Variants in FAP observed in about 807,000 individuals in gnomAD.
The protein encoded by FAP is prolyl endopeptidase FAP.
A neutral mutation model predicts 126.5 loss-of-function variants in FAP; 110 were observed. That is an observed-to-expected ratio of 0.87 (90% confidence interval 0.74 to 1.02). The LOEUF is 1.02. Among genes scored for constraint, FAP ranks in the 50% least tolerant of loss-of-function variants. FAP has a pLI of 0.00. For missense variants in FAP, 919 were observed against 909.2 expected (o/e 1.01, Z -0.14); for synonymous variants, 334 against 297.3 (o/e 1.12, Z -1.27).
In FAP at chr2:162,228,084, C is replaced by T. The variant is rs186747596; in HGVS notation, c.92-1463G>A. Among the ~76,000 whole-genome samples, 113 of 152,250 alleles carry T rather than the reference C, an allele frequency of 7.4e-4. 1 individual carries two copies. The highest frequency in any genetic ancestry group is 3.7e-3 in the South Asian group (18 of 4,824). On this transcript the variant is annotated intron_variant, in intron 2 of 25. Transcript: ENST00000188790. ...AGGCCAGGAATCATGTCTTGTTTTT[C>T]TCATAGCACATCCCAAGTGTCTAGC...
At chr2:162,222,709 T>G (rs1254373023) in intron 6 of FAP, among the ~76,000 whole-genome samples, 1 of 152,198 alleles carries the variant, frequency 6.6e-6, no homozygotes. Context: ...ATTTTCCATT[T>G]AAAACCTTTG....
intron 3 of FAP, 91 bp downstream of exon 3, chr2:162,226,432 G>T: frequency 1.7e-6 from 1 of 585,110 alleles, no homozygotes; most frequent in Non-Finnish European, 2.9e-6. Context: ...CAACTGATAC[G>T]GCTTCAGTTA....
intron 9 of FAP, 92 bp from the exon 10 acceptor site, chr2:162,216,093 A>G: frequency 1.1e-6 from 1 of 894,412 alleles, no homozygotes. Context: ...TATTTTTCTA[A>G]GCGAACAATC....
At chr2:162,198,648 CA>C in intron 16 of FAP, 108 bp downstream of exon 16, 1 of 1,283,352 alleles carries the variant, frequency 7.8e-7, no homozygotes, top group Non-Finnish European at 1.1e-6. Context: ...AAGATTCTTA[CA>C]TATAACAAAT....
chr2:162,199,943 A>G (rs755004418), intron 15 of FAP, among the ~76,000 whole-genome samples: 8 of 152,236 alleles, frequency 5.3e-5, no homozygotes, highest in Admixed American at 2.0e-4. Context: ...ATGCCCAGGT[A>G]CAAATCCTGG....
At chr2:162,225,685 T>C in intron 3 of FAP, 108 bp from the exon 4 acceptor site, 1 of 1,110,480 alleles carries the variant, frequency 9.0e-7, no homozygotes, top group South Asian at 1.7e-5. Context: ...TTTTCCTCTC[T>C]GTCCAGTACA....
chr2:162,232,101 A>G (rs763602048), intron 2 of FAP, among the ~76,000 whole-genome samples: 2 of 152,146 alleles, frequency 1.3e-5, no homozygotes, highest in Non-Finnish European at 2.9e-5. Flanking sequence ...AGGATGGGAA[A>G]TATACTATTT....
chr2:162,235,010 G>A (rs1690054920), intron 2 of FAP, among the ~76,000 whole-genome samples: 1 of 152,106 alleles, frequency 6.6e-6, no homozygotes, highest in African/African-American at 2.4e-5. Context: ...GGGCGAACCG[G>A]GTCCCCTAGC....
intron 12 of FAP, among the ~76,000 whole-genome samples, chr2:162,207,463 C>T (rs1420504989): frequency 6.6e-6 from 1 of 152,142 alleles, no homozygotes; most frequent in African/African-American, 2.4e-5. Flanking sequence ...TGATCTGGCA[C>T]AAAATCACAT....
In FAP at chr2:162,174,861, C is replaced by T. The variant is rs1361730833; in HGVS notation, c.1969+6G>A. On this transcript the variant is annotated splice_donor_region_variant and intron_variant, in intron 22 of 25. Transcript: ENST00000188790. ...TTCACAGTAACATTAATGAATGTTT[C>T]CATACCGTAATATTCCCAGCTGGAG... is the stretch of plus-strand genomic sequence containing the variant. The T allele has an allele frequency of 2.1e-5, 34 of 1,589,830 alleles. No individual in the cohort carries two copies. The highest frequency in any genetic ancestry group is 2.8e-5 in the Non-Finnish European group (33 of 1,158,732).
chr2:162,196,518 C>CTT (rs3051148), intron 16 of FAP, among the ~76,000 whole-genome samples: 10 of 127,724 alleles, frequency 7.8e-5, no homozygotes, highest in African/African-American at 2.3e-4. Context: ...ACTTGCATAT[C>CTT]TTTTTTTTTT....
chr2:162,195,326 T>TG (rs1688212722), intron 16 of FAP, among the ~76,000 whole-genome samples: 1 of 151,666 alleles, frequency 6.6e-6, no homozygotes, highest in Admixed American at 6.6e-5. Flanking sequence ...TGCACACTTG[T>TG]GGGGGAAAGG....
At position 162,207,536 on chromosome 2, in the gene FAP, A is replaced by G. The variant is rs1458690925; in HGVS notation, c.1047+2416T>C. ...TTGGGAATGACTTTTGATTTAATAT[A>G]AGGACCTCATCTTCTCCCAAAGGAG... On this transcript the variant is annotated intron_variant, in intron 12 of 25. Transcript: ENST00000188790. Among the ~76,000 whole-genome samples the G allele has an allele frequency of 2.6e-5, 4 of 152,300 alleles. No homozygotes were observed. In the East Asian group the frequency reaches 7.7e-4, roughly 29 times the overall value.
At chr2:162,222,114 A>C (rs1486603866) in intron 6 of FAP, among the ~76,000 whole-genome samples, 2 of 152,204 alleles carry the variant, frequency 1.3e-5, no homozygotes. Flanking sequence ...AAATATTAGG[A>C]TTATCATCTT....
intron 2 of FAP, among the ~76,000 whole-genome samples, chr2:162,228,569 C>A (rs972454887): frequency 1.3e-5 from 2 of 151,960 alleles, no homozygotes; most frequent in Non-Finnish European, 2.9e-5. Context: ...GGCTGGTGAG[C>A]CCTTTTGCAA....
intron 4 of FAP, among the ~76,000 whole-genome samples, chr2:162,225,127 A>G (rs1181670537): frequency 2.0e-5 from 3 of 152,160 alleles, no homozygotes; most frequent in Non-Finnish European, 4.4e-5. Context: ...TTTACCAAGG[A>G]AAATACCGAG....
rs10657426 is a variant in FAP, at chr2:162,179,790, CTATA to C, written c.1869+3620_1869+3623del. ...TCTATCTATCTATCTATCTATCTATCTATATATATATATATATATATATTTTTTT... is the reference window on the plus strand; with the variant it reads ...TCTATCTATCTATCTATCTATCTATCTATATATATATATATATATTTTTTT... On this transcript the variant is annotated intron_variant, in intron 21 of 25. Transcript: ENST00000188790. Among the ~76,000 whole-genome samples the C allele has an allele frequency of 7.8e-5, 9 of 115,548 alleles. No individual in the cohort carries two copies. In the East Asian group the frequency reaches 9.7e-4, roughly 12 times the overall value. The allele number at this position is 115,548 out of a possible 152,430, so 75.8% of individuals were successfully genotyped here. A position where few individuals can be genotyped will look rare whatever the true frequency, so the allele number is the denominator to read the frequency against.
At chr2:162,194,931 G>A in intron 16 of FAP, 183 bp from the exon 17 acceptor site, 1 of 597,978 alleles carries the variant, frequency 1.7e-6, no homozygotes, top group South Asian at 2.0e-5. Context: ...CAATACATGA[G>A]ATCAAAGCCC....
chr2:162,242,459 A>G (rs2106311031), intron 2 of FAP, among the ~76,000 whole-genome samples: 1 of 152,286 alleles, frequency 6.6e-6, no homozygotes, highest in Non-Finnish European at 1.5e-5. Context: ...TGTATTCTCA[A>G]CTTCCTCCCT....
Sources: allele counts gnomAD v4.1 joint callset (sites outside exome capture counted in the v4.1 genomes callset), GRCh38; gene constraint gnomAD v4.1.1; transcripts MANE v1.5; gene names NCBI Gene and HGNC (gene_info 2026-07-23, HGNC 2026-07-21).